GBP7: variants seen among roughly 807,000 people sequenced by gnomAD.
GBP7 encodes guanylate binding protein 7.
In GBP7, 43 loss-of-function variants were observed where a neutral mutation model predicts 61.3. That is an observed-to-expected ratio of 0.70 (90% CI 0.55 to 0.91). The LOEUF is 0.91. GBP7 is among the 40% of genes least tolerant of loss of function. The pLI is 0.00. For missense variants in GBP7, 717 were observed against 740.5 expected, an observed-to-expected ratio of 0.97 and a Z score of 0.37; for synonymous variants, 267 against 271.0, an observed-to-expected ratio of 0.99 and a Z score of 0.14.
intron 7 of GBP7, 113 bp from the exon 8 acceptor site, chr1:89,147,892 G>T: frequency 1.9e-6 from 2 of 1,045,940 alleles, no homozygotes; most frequent in Non-Finnish European, 2.9e-6. Context: ...CTGAGTTACG[G>T]TGTAGACTAA....
Position 89,164,716 on chromosome 1 carries a change from A to G in GBP7, c.318+15T>C, listed in dbSNP as rs1647371511. 5 of 1,612,632 alleles carry G rather than the reference A, an allele frequency of 3.1e-6. No homozygotes were observed. Among genetic ancestry groups the G allele is most frequent in the Non-Finnish European group, 4.2e-6 (5 of 1,179,060 alleles). ...AATCAAAGGTAAAGAAGATTTCTCT[A>G]TGTCTCTTTCTTACCTTTTCCATAT... On this transcript the variant is annotated intron_variant, in intron 3 of 10. Coordinates refer to ENST00000294671, the MANE Select transcript of GBP7 (RefSeq NM_207398.3).
In GBP7 at chr1:89,157,725, CA is replaced by C. The variant is rs1238015576; in HGVS notation, c.319-4949del. Among the ~76,000 whole-genome samples, 948 of 141,732 alleles carry C rather than the reference CA, an allele frequency of 6.7e-3. 10 individuals are homozygous for C. The highest frequency in any genetic ancestry group is 0.021 in the African/African-American group (835 of 39,050). 93.0% of individuals were successfully genotyped at this position (141,732 alleles called of 152,430 possible). On this transcript the variant is annotated intron_variant, in intron 3 of 10. Transcript: ENST00000294671. Reference sequence around the variant, plus strand: ...AGGCAATAATTAATAGCCTCCCAACCAAAAAAAAAAAGTCCAGGACCAGACA... The same window carrying C: ...AGGCAATAATTAATAGCCTCCCAACCAAAAAAAAAAGTCCAGGACCAGACA...
chr1:89,174,008 T>A (rs2100664842), intron 1 of GBP7, among the ~76,000 whole-genome samples: 1 of 152,324 alleles, frequency 6.6e-6, no homozygotes, highest in Admixed American at 6.5e-5. Flanking sequence ...CTTTTTCACA[T>A]TTTCTAACAC....
At chr1:89,147,462 A>G in intron 8 of GBP7, 105 bp downstream of exon 8, 1 of 828,202 alleles carries the variant, frequency 1.2e-6, no homozygotes, top group Non-Finnish European at 2.0e-6. Flanking sequence ...GCCATGCTTC[A>G]ATTTTTGTCG....
At chr1:89,159,690 A>G (rs1197097751) in intron 3 of GBP7, among the ~76,000 whole-genome samples, 1 of 152,228 alleles carries the variant, frequency 6.6e-6, no homozygotes, top group East Asian at 1.9e-4. Context: ...TAGAATGGCA[A>G]TCATTAAAAA....
intron 3 of GBP7, among the ~76,000 whole-genome samples, chr1:89,155,321 G>A (rs1044979471): frequency 5.3e-5 from 8 of 152,266 alleles, no homozygotes; most frequent in Admixed American, 1.3e-4. Flanking sequence ...GCAGCTCCTC[G>A]CCAGCAATGG....
intron 7 of GBP7, 101 bp from the exon 8 acceptor site, chr1:89,147,880 G>T: frequency 1.6e-6 from 2 of 1,220,072 alleles, no homozygotes; most frequent in Non-Finnish European, 2.4e-6. Flanking sequence ...CCTCAGAGCA[G>T]GCTGAGTTAC....
chr1:89,132,119 C>T lies in GBP7; in HGVS notation c.*30G>A, dbSNP rs779194802. 2.7e-5 allele frequency: 42 copies of T among 1,546,668 alleles called. No homozygotes were observed. The highest frequency in any genetic ancestry group is 3.6e-5 in the Non-Finnish European group (41 of 1,146,672). ...ACACATATACTTTTAAAATGAGCAA[C>T]AGCGTTATACCATTTTAACAAAAGA... On this transcript the variant is annotated 3_prime_UTR_variant, in exon 11 of 11. Coordinates refer to ENST00000294671, the MANE Select transcript of GBP7 (RefSeq NM_207398.3).
rs775560133 is a variant in GBP7, at chr1:89,141,530, A to C, written c.1468+16T>G. On this transcript the variant is annotated intron_variant, in intron 9 of 10. Coordinates refer to ENST00000294671, the MANE Select transcript of GBP7 (RefSeq NM_207398.3). ...AACCTACCCATTTGCCTGAGAGCTG[A>C]GCCCTGCCCCTGTACCTGCTATGGC... 6.2e-7 allele frequency: 1 copy of C among 1,610,402 alleles called. No homozygotes were observed. The highest frequency in any genetic ancestry group is 8.5e-7 in the Non-Finnish European group (1 of 1,177,150).
At position 89,133,373 on chromosome 1, in the gene GBP7, A is replaced by G. The variant is rs778234073; in HGVS notation, c.1547T>C (p.Met516Thr). Residue 516 changes from methionine (M) to threonine (T), a missense_variant, in exon 10 of 11, where the codon ATG becomes ACG. By Grantham distance (81) the Met-to-Thr change is moderately conservative. Transcript: ENST00000294671. ...CTGGAAACTTCTCTCTTGAGCCTCC[A>G]TCATTTGCTGCTGTTCCTTCTGTTT... ...RQKQKEQQQM[M>T]EAQERSFQEN... 16 of 1,613,946 alleles carry G rather than the reference A, an allele frequency of 9.9e-6. No individual in the cohort carries two copies. The African/African-American group carries it at 1.6e-4, about 16-fold the overall frequency.
intron 3 of GBP7, among the ~76,000 whole-genome samples, chr1:89,153,066 A>T (rs1213274047): frequency 1.3e-4 from 20 of 152,248 alleles, no homozygotes. Context: ...TTTATGCTTT[A>T]TCAGTGGTGC....
chr1:89,160,135 C>T (rs1682405244), intron 3 of GBP7, among the ~76,000 whole-genome samples: 1 of 152,150 alleles, frequency 6.6e-6, no homozygotes, highest in Non-Finnish European at 1.5e-5. Context: ...ACCGCATGTT[C>T]TCACTCATAG....
rs1570334138 is a variant in GBP7 at position 89,131,961 on chromosome 1, C to T, written c.*188G>A. On this transcript the variant is annotated 3_prime_UTR_variant, in exon 11 of 11. Coordinates refer to ENST00000294671, the MANE Select transcript of GBP7 (RefSeq NM_207398.3). Reference sequence around the variant, plus strand: ...AAATCTTTTCTAGGAATAATTTTATCTTCTAACTTGTTCCCCATTTCTATT... The same window carrying T: ...AAATCTTTTCTAGGAATAATTTTATTTTCTAACTTGTTCCCCATTTCTATT... 4 of 452,086 alleles carry T rather than the reference C, an allele frequency of 8.8e-6. No homozygotes were observed. The highest frequency in any genetic ancestry group is 1.5e-5 in the Non-Finnish European group (4 of 258,418). 28.0% of individuals were successfully genotyped at this position (452,086 alleles called of 1,614,324 possible).
At chr1:89,158,435 T>C (rs962525469) in intron 3 of GBP7, among the ~76,000 whole-genome samples, 2 of 152,212 alleles carry the variant, frequency 1.3e-5, no homozygotes, top group African/African-American at 2.4e-5. Flanking sequence ...TGTTTGCAGA[T>C]GACATGATTG....
intron 1 of GBP7, among the ~76,000 whole-genome samples, chr1:89,175,599 A>G (rs941617838): frequency 1.3e-5 from 2 of 152,198 alleles, no homozygotes; most frequent in Non-Finnish European, 2.9e-5. Flanking sequence ...AGAGCTATAA[A>G]TGTTGGGCCC....
At chr1:89,141,496 T>G in intron 9 of GBP7, 50 bp downstream of exon 9, 1 of 1,486,398 alleles carries the variant, frequency 6.7e-7, no homozygotes, top group Non-Finnish European at 9.4e-7. Flanking sequence ...ATCAAGAGAG[T>G]GTTGCAAGAA....
At chr1:89,169,391 C>T (rs777933887) in intron 2 of GBP7, among the ~76,000 whole-genome samples, 4 of 152,102 alleles carry the variant, frequency 2.6e-5, no homozygotes, top group Non-Finnish European at 5.9e-5. Context: ...AATAATCAGG[C>T]TTTGTTTGAT....
In GBP7 at chr1:89,147,743, G is replaced by A; in HGVS notation, c.1189C>T (p.Gln397Ter). The A allele has an allele frequency of 1.9e-6, 3 of 1,614,120 alleles. No individual in the cohort carries two copies. The highest frequency in any genetic ancestry group is 2.5e-6 in the Non-Finnish European group (3 of 1,180,000). Residue 397 changes from glutamine to a stop codon, truncating the protein, a stop_gained, in exon 8 of 11, where the codon CAG becomes TAG. Transcript: ENST00000294671. LOFTEE classifies it high-confidence loss of function. ...TATTTGGCAGATGCCTCTTCATTCT[G>A]CAGCACAAAGTCTTCCTTCTTTTTC... ...MEKKKEDFVL[Q>*]NEEASAKYCQ...
Position 89,150,487 on chromosome 1 carries a change from C to T in GBP7, c.714G>A (p.Arg238=). ...FPKQKCFVFD[R]PINDKKLLLH... ...GTAAGAGTTTTTTGTCATTTATTGG[C>T]CGGTCAAAGACAAAGCACTTCTGTT... Residue 238 remains arginine (R), a synonymous_variant, in exon 6 of 11, where the codon CGG becomes CGA. Coordinates refer to ENST00000294671, the MANE Select transcript of GBP7 (RefSeq NM_207398.3). 2 of 1,613,952 alleles carry T rather than the reference C, an allele frequency of 1.2e-6. No individual in the cohort carries two copies. Among genetic ancestry groups the T allele is most frequent in the Non-Finnish European group, 1.7e-6 (2 of 1,179,902 alleles).
Sources: gnomAD v4.1 joint callset for allele counts (sites outside exome capture counted in the v4.1 genomes callset) on GRCh38, gnomAD v4.1.1 for gene constraint, MANE v1.5 for transcripts, NCBI Gene and HGNC (gene_info 2026-07-23, HGNC 2026-07-21) for gene names.